BACH2: variants seen among roughly 807,000 people sequenced by gnomAD.
The protein encoded by BACH2 is BACH transcriptional regulator 2.
A neutral mutation model predicts 61.8 loss-of-function variants in BACH2; 5 were observed. That is an observed-to-expected ratio of 0.08 (90% CI 0.04 to 0.17). BACH2 has a LOEUF of 0.17. Ranked by LOEUF, BACH2 falls within the 10% of genes least tolerant of loss-of-function variation. BACH2 has a pLI of 1.00. For missense variants in BACH2, 824 were observed against 1,091.1 expected (o/e 0.76, Z 3.45); for synonymous variants, 446 against 440.1 (o/e 1.01, Z -0.17).
intron 6 of BACH2, among the ~76,000 whole-genome samples, chr6:89,957,433 T>C (rs758921184): frequency 5.3e-5 from 8 of 152,244 alleles, no homozygotes; most frequent in Non-Finnish European, 8.8e-5. Flanking sequence ...TCTCCCTATG[T>C]TGCCCAGGCT....
intron 5 of BACH2, among the ~76,000 whole-genome samples, chr6:90,059,982 G>A (rs1288221645): frequency 1.8e-5 from 2 of 114,234 alleles, no homozygotes; most frequent in African/African-American, 6.5e-5. Flanking sequence ...TTGTGGGGTG[G>A]GGGGAGGGGG....
At chr6:89,956,042 C>T (rs1774407777) in intron 6 of BACH2, among the ~76,000 whole-genome samples, 1 of 152,206 alleles carries the variant, frequency 6.6e-6, no homozygotes. Context: ...TCTAAGCAGA[C>T]CCATCTAGAC....
At chr6:90,062,092 AG>A (rs1780715868) in intron 5 of BACH2, among the ~76,000 whole-genome samples, 1 of 152,224 alleles carries the variant, frequency 6.6e-6, no homozygotes, top group Middle Eastern at 3.2e-3. Flanking sequence ...CATGCAGGAA[AG>A]AAAGGGAATA....
intron 6 of BACH2, among the ~76,000 whole-genome samples, chr6:89,963,195 C>T (rs964623980): frequency 1.3e-5 from 2 of 152,238 alleles, no homozygotes; most frequent in African/African-American, 4.8e-5. Flanking sequence ...TCTCACCTTA[C>T]ACCCACTGGG....
rs1197055403 is a variant in BACH2, at chr6:89,930,229, T to A, written c.*2179A>T. ...GTGGAACTGTTTAAAAAGAAAAGCC[T>A]TTTTTTTTTTTTTTTTTTTTTTTTT... On this transcript the variant is annotated 3_prime_UTR_variant, in exon 9 of 9. Transcript: ENST00000257749. The A allele has an allele frequency of 5.8e-5, 1 of 17,356 alleles. No homozygotes were observed. Among genetic ancestry groups the A allele is most frequent in the African/African-American group, 2.0e-4 (1 of 4,946 alleles). The allele number at this position is 17,356 out of a possible 1,614,324, so 1.1% of individuals were successfully genotyped here.
intron 3 of BACH2, among the ~76,000 whole-genome samples, chr6:90,241,525 G>A (rs1302222920): frequency 3.9e-5 from 6 of 152,224 alleles, no homozygotes; most frequent in Non-Finnish European, 1.5e-5. Flanking sequence ...GGGAACTGCT[G>A]TAAGGATTAA....
At chr6:90,099,481 C>T (rs565294583) in intron 4 of BACH2, among the ~76,000 whole-genome samples, 3 of 152,298 alleles carry the variant, frequency 2.0e-5, no homozygotes, top group African/African-American at 4.8e-5. Flanking sequence ...TGGGCTCAAG[C>T]GATCCTCCGG....
In BACH2 at chr6:89,927,291, T is replaced by G. The variant is rs927320307; in HGVS notation, c.*5117A>C. ...GAGCGTGAAACGGGCATCCCAGGAT[T>G]TGCACACACAAAATACATTGTTAGG... On this transcript the variant is annotated 3_prime_UTR_variant, in exon 9 of 9. Coordinates refer to ENST00000257749, the MANE Select transcript of BACH2 (RefSeq NM_021813.4). The G allele has an allele frequency of 6.5e-6, 1 of 152,840 alleles. No individual in the cohort carries two copies. Among genetic ancestry groups the G allele is most frequent in the African/African-American group, 2.4e-5 (1 of 41,472 alleles). The allele number at this position is 152,840 out of a possible 1,614,324, so 9.5% of individuals were successfully genotyped here. A position where few individuals can be genotyped will look rare whatever the true frequency, so the allele number is the denominator to read the frequency against.
At chr6:90,237,237 T>A (rs1013447882) in intron 3 of BACH2, among the ~76,000 whole-genome samples, 2 of 152,184 alleles carry the variant, frequency 1.3e-5, no homozygotes, top group African/African-American at 4.8e-5. Context: ...GCTCTTGTTT[T>A]AGAAATCTGG....
At chr6:90,017,138 C>T (rs1222154347) in intron 5 of BACH2, among the ~76,000 whole-genome samples, 2 of 152,094 alleles carry the variant, frequency 1.3e-5, no homozygotes, top group Non-Finnish European at 2.9e-5. Context: ...TGGGGAGTTA[C>T]ATATAATATT....
chr6:89,995,492 T>C (rs1003481463), intron 6 of BACH2, among the ~76,000 whole-genome samples: 9 of 152,308 alleles, frequency 5.9e-5, no homozygotes, highest in East Asian at 3.9e-4. Context: ...CAGGCTCAGA[T>C]TGACCCCTGC....
At chr6:89,966,002 T>C (rs1008819312) in intron 6 of BACH2, among the ~76,000 whole-genome samples, 1 of 152,178 alleles carries the variant, frequency 6.6e-6, no homozygotes, top group Non-Finnish European at 1.5e-5. Context: ...GAAAGGCTTT[T>C]GAGAGAAAAG....
chr6:90,140,223 T>C (rs1053318398), intron 4 of BACH2, among the ~76,000 whole-genome samples: 1 of 152,220 alleles, frequency 6.6e-6, no homozygotes, highest in Non-Finnish European at 1.5e-5. Flanking sequence ...CTTAGTCGCA[T>C]GGCCAGTGAG....
chr6:90,268,025 T>C (rs1771400371), intron 2 of BACH2, among the ~76,000 whole-genome samples: 2 of 151,378 alleles, frequency 1.3e-5, no homozygotes, highest in Admixed American at 6.6e-5. Context: ...TTTTTTTTTT[T>C]CAAGACAGGG....
In BACH2 at chr6:90,134,256, A is replaced by C. The variant is rs528950765; in HGVS notation, c.-161-45147T>G. ...TCTAACTGGTGTGAGATGGTATCTC[A>C]TTGTGGTTTTGATTTGCATTAGAAA... On this transcript the variant is annotated intron_variant, in intron 4 of 8. Transcript: ENST00000257749. Among the ~76,000 whole-genome samples, 352 of 152,276 alleles carry C rather than the reference A, an allele frequency of 2.3e-3. 2 individuals are homozygous for C. The highest frequency in any genetic ancestry group is 7.8e-3 in the African/African-American group (325 of 41,546).
At chr6:90,138,811 A>G (rs1247960146) in intron 4 of BACH2, among the ~76,000 whole-genome samples, 3 of 152,134 alleles carry the variant, frequency 2.0e-5, no homozygotes, top group Non-Finnish European at 4.4e-5. Context: ...AACAAACACA[A>G]TGAGCTGGGG....
intron 5 of BACH2, among the ~76,000 whole-genome samples, chr6:90,029,855 T>C (rs955309536): frequency 9.2e-5 from 14 of 152,268 alleles, no homozygotes; most frequent in African/African-American, 3.4e-4. Context: ...TTCTAAGCAA[T>C]GCGACCGTTA....
chr6:90,108,382 A>C (rs1717587179), intron 4 of BACH2, among the ~76,000 whole-genome samples: 1 of 152,200 alleles, frequency 6.6e-6, no homozygotes, highest in Non-Finnish European at 1.5e-5. Flanking sequence ...ATTGTCTCAA[A>C]AGGCGAAAAG....
intron 5 of BACH2, among the ~76,000 whole-genome samples, chr6:90,055,932 G>C (rs1388741418): frequency 2.0e-5 from 3 of 152,256 alleles, no homozygotes; most frequent in Admixed American, 2.0e-4. Flanking sequence ...GAGAGATTTT[G>C]TCACCACCAG....
Sources: gnomAD v4.1 joint callset for allele counts (sites outside exome capture counted in the v4.1 genomes callset) on GRCh38, gnomAD v4.1.1 for gene constraint, MANE v1.5 for transcripts, NCBI Gene and HGNC (gene_info 2026-07-23, HGNC 2026-07-21) for gene names.